Variants in ESR1 observed in about 807,000 individuals in gnomAD.
ESR1 encodes the protein estrogen receptor.
In ESR1, 12 loss-of-function variants were observed where a neutral mutation model predicts 52.7. The observed-to-expected ratio is 0.23, with a 90% CI of 0.15 to 0.37. The LOEUF (loss-of-function observed/expected upper bound fraction) is 0.37. ESR1 is among the 10% of genes least tolerant of loss of function. The pLI is 1.00. For missense variants in ESR1, 584 were observed against 779.7 expected (o/e 0.75, Z 2.99); for synonymous variants, 305 against 316.8 (o/e 0.96, Z 0.39).
At chr6:152,048,166 C>T (rs933185737) in intron 5 of ESR1, among the ~76,000 whole-genome samples, 2 of 151,476 alleles carry the variant, frequency 1.3e-5, no homozygotes, top group Admixed American at 6.6e-5. Flanking sequence ...GTCAAGAGAT[C>T]GAGACCATCC....
intron 1 of ESR1, among the ~76,000 whole-genome samples, chr6:151,664,058 T>G (rs1339319809): frequency 1.3e-5 from 2 of 152,204 alleles, no homozygotes; most frequent in African/African-American, 4.8e-5. Context: ...TGTTTTATAT[T>G]CTTTGATGCC....
chr6:151,769,649 G>A (rs1044206952), intron 2 of ESR1, among the ~76,000 whole-genome samples: 8 of 152,212 alleles, frequency 5.3e-5, no homozygotes, highest in Non-Finnish European at 1.0e-4. Context: ...ACTGGGCTAC[G>A]CAGGGGCTAG....
At position 152,099,212 on chromosome 6, in the gene ESR1, T is replaced by C. The variant is rs982130109; in HGVS notation, c.*246T>C. ...TAACAGCTCTCTTTCCCCCTTGCTA[T>C]GTTACTAAGCGTGAGGATTCCCGTA... On this transcript the variant is annotated 3_prime_UTR_variant, in exon 8 of 8. Transcript: ENST00000206249. 7 of 554,748 alleles carry C rather than the reference T, an allele frequency of 1.3e-5. No homozygotes were observed. The highest frequency in any genetic ancestry group is 1.1e-4 in the Admixed American group (4 of 34,798). The allele number at this position is 554,748 out of a possible 1,614,324, so 34.4% of individuals were successfully genotyped here.
chr6:152,029,117 C>G (rs1414892929), intron 5 of ESR1, among the ~76,000 whole-genome samples: 4 of 152,122 alleles, frequency 2.6e-5, no homozygotes, highest in Non-Finnish European at 5.9e-5. Context: ...ACAGAAAGGA[C>G]ATCCACACCA....
intron 3 of ESR1, among the ~76,000 whole-genome samples, chr6:151,887,023 G>A (rs1425518539): frequency 2.7e-5 from 4 of 147,866 alleles, no homozygotes; most frequent in Admixed American, 6.7e-5. Context: ...CCTGGGTGAC[G>A]GAATGAGACT....
At chr6:152,005,718 T>C (rs2042277388) in intron 4 of ESR1, among the ~76,000 whole-genome samples, 1 of 152,066 alleles carries the variant, frequency 6.6e-6, no homozygotes, top group South Asian at 2.1e-4. Context: ...TCAGAGATAT[T>C]AATTAGATGG....
chr6:152,096,818 G>A, intron 7 of ESR1: 1 of 354,076 alleles, frequency 2.8e-6, no homozygotes, highest in Admixed American at 3.0e-5. Context: ...CAAAATCCCT[G>A]GCTGAGAGAA....
chr6:151,869,400 G>C (rs987123519), intron 2 of ESR1, among the ~76,000 whole-genome samples: 1 of 152,168 alleles, frequency 6.6e-6, no homozygotes, highest in Admixed American at 6.5e-5. Flanking sequence ...ATTTCAGAAA[G>C]TCCTTTTCTG....
At chr6:151,691,581 G>T (rs1362749679) in intron 1 of ESR1, among the ~76,000 whole-genome samples, 4 of 152,322 alleles carry the variant, frequency 2.6e-5, no homozygotes, top group South Asian at 4.1e-4. Flanking sequence ...CCTGCTTAAA[G>T]GTGCCAGATT....
At chr6:152,008,542 A>C (rs1170030282) in intron 4 of ESR1, among the ~76,000 whole-genome samples, 1 of 152,148 alleles carries the variant, frequency 6.6e-6, no homozygotes, top group African/African-American at 2.4e-5. Context: ...GGAACTGTAA[A>C]GTGGGAATTA....
intron 2 of ESR1, among the ~76,000 whole-genome samples, chr6:151,740,367 C>T (rs1396663299): frequency 6.8e-5 from 10 of 146,836 alleles, no homozygotes; most frequent in African/African-American, 2.5e-4. Flanking sequence ...AACTCCTGAC[C>T]TCAAGTGATC....
chr6:151,893,486 A>C (rs955226100), intron 3 of ESR1, among the ~76,000 whole-genome samples: 2 of 151,248 alleles, frequency 1.3e-5, no homozygotes, highest in Non-Finnish European at 2.9e-5. Context: ...TTTATATATA[A>C]AATTTATATT....
intron 3 of ESR1, among the ~76,000 whole-genome samples, chr6:151,932,646 G>T (rs2033815874): frequency 2.7e-5 from 4 of 145,902 alleles, no homozygotes; most frequent in Admixed American, 1.4e-4. Context: ...TGTAAGGAAG[G>T]GATCCAGTTT....
At chr6:151,753,901 A>T (rs1490590391) in intron 2 of ESR1, among the ~76,000 whole-genome samples, 1 of 152,044 alleles carries the variant, frequency 6.6e-6, no homozygotes, top group East Asian at 1.9e-4. Flanking sequence ...AGAATCCATT[A>T]TGTTCTGTGG....
At chr6:151,844,938 C>A (rs1433419046) in intron 2 of ESR1, among the ~76,000 whole-genome samples, 1 of 151,622 alleles carries the variant, frequency 6.6e-6, no homozygotes, top group Non-Finnish European at 1.5e-5. Flanking sequence ...TAAAGTGTTA[C>A]CTGTATGAGA....
intron 1 of ESR1, among the ~76,000 whole-genome samples, chr6:151,680,202 C>T (rs949845141): frequency 1.6e-5 from 2 of 124,578 alleles, no homozygotes; most frequent in Non-Finnish European, 3.4e-5. Context: ...TTTTTCTTTT[C>T]TCTTTTTTTT....
chr6:152,119,940 CTGT>C (rs1406406827), intron 6 of ESR1, among the ~76,000 whole-genome samples: 1 of 152,212 alleles, frequency 6.6e-6, no homozygotes, highest in Admixed American at 6.5e-5. Flanking sequence ...TTCGAAGGTT[CTGT>C]TGTTTAAATC....
rs117222327 is a variant in ESR1 at position 151,723,105 on chromosome 6, T to A, written c.-71+21100T>A. Among the ~76,000 whole-genome samples, 440 of 152,306 alleles carry A rather than the reference T, an allele frequency of 2.9e-3. 5 individuals carry two copies. Among genetic ancestry groups the A allele is most frequent in the East Asian group, 0.019 (97 of 5,188 alleles). ...TCCTGTTTAGACTTCTAAAATCTAC[T>A]TCTTTGAAAACACTACTAAAATGAC... On this transcript the variant is annotated intron_variant, in intron 2 of 2. Transcript: ENST00000404742.
At chr6:151,737,322 C>A (rs924428480) in intron 2 of ESR1, among the ~76,000 whole-genome samples, 1 of 152,168 alleles carries the variant, frequency 6.6e-6, no homozygotes, top group Non-Finnish European at 1.5e-5. Flanking sequence ...ACATTTGAAG[C>A]CTCTTTATTC....
Sources: gnomAD v4.1 joint callset for allele counts (sites outside exome capture counted in the v4.1 genomes callset) on GRCh38, gnomAD v4.1.1 for gene constraint, MANE v1.5 for transcripts, NCBI Gene and HGNC (gene_info 2026-07-23, HGNC 2026-07-21) for gene names.